FRMD4A: variants seen among roughly 807,000 people sequenced by gnomAD.
FRMD4A encodes FERM domain-containing protein 4A.
FRMD4A carries 29 observed loss-of-function variants against 129.1 expected under a neutral mutation model. The ratio of observed to expected loss-of-function variants is 0.22; its 90% CI spans 0.17 to 0.31. FRMD4A has a LOEUF of 0.31. Ranked by LOEUF, FRMD4A falls within the 10% of genes least tolerant of loss-of-function variation. The pLI, the probability that FRMD4A is intolerant of heterozygous loss-of-function variation, is 1.00. For synonymous variants in FRMD4A, 634 were observed against 571.6 expected (o/e 1.11, Z -1.56); for missense variants, 1,272 against 1,375.8 (o/e 0.92, Z 1.19).
intron 4 of FRMD4A, among the ~76,000 whole-genome samples, chr10:13,807,683 T>C (rs533065404): frequency 2.0e-5 from 3 of 152,326 alleles, no homozygotes; most frequent in African/African-American, 7.2e-5. Context: ...TACATTCTGC[T>C]TTATATATAT....
intron 16 of FRMD4A, among the ~76,000 whole-genome samples, chr10:13,674,221 A>G (rs1286665556): frequency 1.3e-5 from 2 of 152,238 alleles, no homozygotes; most frequent in Non-Finnish European, 2.9e-5. Context: ...ATGTCCAAAG[A>G]CAAGTCTGAA....
intron 15 of FRMD4A, among the ~76,000 whole-genome samples, chr10:13,675,395 T>C (rs1469556492): frequency 1.3e-5 from 2 of 152,232 alleles, no homozygotes; most frequent in African/African-American, 4.8e-5. Flanking sequence ...GCAATTTTAA[T>C]ACGTATTGAG....
chr10:14,043,817 G>A (rs1644350038), intron 2 of FRMD4A, among the ~76,000 whole-genome samples: 2 of 152,148 alleles, frequency 1.3e-5, no homozygotes, highest in Non-Finnish European at 2.9e-5. Context: ...TCCGGTCCCA[G>A]ATCTCTGGGT....
intron 24 of FRMD4A, chr10:13,650,995 TG>T (rs1247056932): frequency 6.6e-6 from 1 of 152,228 alleles, no homozygotes; most frequent in Non-Finnish European, 1.5e-5. Context: ...TCATGCTCCT[TG>T]TATATCTTCT....
intron 2 of FRMD4A, among the ~76,000 whole-genome samples, chr10:14,004,567 A>G (rs957212353): frequency 6.6e-6 from 1 of 152,200 alleles, no homozygotes; most frequent in Non-Finnish European, 1.5e-5. Context: ...AGAAAAAAAA[A>G]GATACAAGCC....
At chr10:14,302,764 G>A (rs1174008512) in intron 2 of FRMD4A, among the ~76,000 whole-genome samples, 4 of 152,216 alleles carry the variant, frequency 2.6e-5, no homozygotes, top group Non-Finnish European at 5.9e-5. Context: ...TATCTCATTA[G>A]ATGGGCAGGA....
intron 2 of FRMD4A, among the ~76,000 whole-genome samples, chr10:14,048,909 A>G (rs193037789): frequency 4.6e-4 from 70 of 151,280 alleles, no homozygotes; most frequent in African/African-American, 1.7e-3. Flanking sequence ...ATAGAAAATA[A>G]AATGAAATAT....
At chr10:13,750,726 C>A (rs1167247660) in intron 8 of FRMD4A, among the ~76,000 whole-genome samples, 1 of 152,102 alleles carries the variant, frequency 6.6e-6, no homozygotes, top group East Asian at 1.9e-4. Flanking sequence ...ACTTTAATGC[C>A]AGGCTAAGAG....
At chr10:13,929,140 A>AGGAG (rs1258729662) in intron 2 of FRMD4A, among the ~76,000 whole-genome samples, 1 of 152,230 alleles carries the variant, frequency 6.6e-6, no homozygotes, top group African/African-American at 2.4e-5. Context: ...GGTAGCCTGC[A>AGGAG]GGAGTTTTTT....
intron 2 of FRMD4A, among the ~76,000 whole-genome samples, chr10:14,090,577 T>C (rs1308429441): frequency 6.6e-6 from 1 of 152,180 alleles, no homozygotes; most frequent in African/African-American, 2.4e-5. Context: ...CCCCAGCCGC[T>C]CCATGCTAAA....
At chr10:14,185,639 A>T (rs1021697151) in intron 2 of FRMD4A, among the ~76,000 whole-genome samples, 2 of 152,174 alleles carry the variant, frequency 1.3e-5, no homozygotes, top group Admixed American at 6.5e-5. Context: ...ATGGTCAGAG[A>T]GCTGCAGGGG....
At chr10:14,131,957 T>C (rs758042183) in intron 2 of FRMD4A, among the ~76,000 whole-genome samples, 1 of 152,190 alleles carries the variant, frequency 6.6e-6, no homozygotes, top group Non-Finnish European at 1.5e-5. Context: ...TCTACAGTCA[T>C]GCCGGCAATT....
chr10:13,809,876 AAGGCCAAGTGTAGCCATGTGC>A (rs1325981609), intron 4 of FRMD4A, among the ~76,000 whole-genome samples: 2 of 152,194 alleles, frequency 1.3e-5, no homozygotes, highest in Non-Finnish European at 2.9e-5. Context: ...GCATCTCACC[AAGGCCAAGTGTAGCCATGTGC>A]AGGGACACCT....
intron 2 of FRMD4A, among the ~76,000 whole-genome samples, chr10:14,197,719 G>T (rs990611088): frequency 6.6e-6 from 1 of 152,144 alleles, no homozygotes; most frequent in African/African-American, 2.4e-5. Flanking sequence ...TCATTCAATT[G>T]TCTTGCATGT....
At chr10:14,161,938 T>C (rs143816014) in intron 2 of FRMD4A, among the ~76,000 whole-genome samples, 1 of 151,936 alleles carries the variant, frequency 6.6e-6, no homozygotes, top group Non-Finnish European at 1.5e-5. Context: ...ATATTATGTA[T>C]CAATATGCAA....
intron 3 of FRMD4A, among the ~76,000 whole-genome samples, chr10:13,830,831 C>T (rs1434757757): frequency 6.6e-6 from 1 of 152,108 alleles, no homozygotes; most frequent in Non-Finnish European, 1.5e-5. Flanking sequence ...GCTCTGTCAC[C>T]CAGGCAGGAG....
At chr10:14,141,107 G>A (rs1161549817) in intron 2 of FRMD4A, among the ~76,000 whole-genome samples, 1 of 152,052 alleles carries the variant, frequency 6.6e-6, no homozygotes, top group Non-Finnish European at 1.5e-5. Context: ...AGCAGGAGAT[G>A]GAGAATGGAC....
intron 2 of FRMD4A, among the ~76,000 whole-genome samples, chr10:14,254,198 C>T (rs751030944): frequency 1.1e-4 from 16 of 152,200 alleles, no homozygotes; most frequent in Non-Finnish European, 1.9e-4. Context: ...CATGATGGCA[C>T]CTTCCTCCTA....
At chr10:13,997,629 T>C (rs572777950) in intron 2 of FRMD4A, among the ~76,000 whole-genome samples, 433 of 150,860 alleles carry the variant, frequency 2.9e-3, no homozygotes, top group African/African-American at 9.1e-3. Flanking sequence ...CTTTTCTTTT[T>C]TTTTTTTTTT....
Sources: gnomAD v4.1 joint callset for allele counts (sites outside exome capture counted in the v4.1 genomes callset) on GRCh38, gnomAD v4.1.1 for gene constraint, MANE v1.5 for transcripts, NCBI Gene and HGNC (gene_info 2026-07-23, HGNC 2026-07-21) for gene names.